The following CHCHD3 variants were observed in gnomAD, a reference collection of about 807,000 sequenced individuals.
CHCHD3 encodes coiled-coil-helix-coiled-coil-helix domain containing 3.
A neutral mutation model predicts 38.2 loss-of-function variants in CHCHD3; 20 were observed. That is an observed-to-expected ratio of 0.52 (90% CI 0.37 to 0.76). The LOEUF is 0.76. Among genes scored for constraint, CHCHD3 ranks in the 30% least tolerant of loss-of-function variants. CHCHD3 has a pLI of 0.00. For synonymous variants in CHCHD3, 82 were observed against 100.0 expected, an observed-to-expected ratio of 0.82 and a Z score of 1.07; for missense variants, 245 against 279.2, an observed-to-expected ratio of 0.88 and a Z score of 0.87.
chr7:132,859,792 T>TTTC (rs1808435665), intron 5 of CHCHD3, among the ~76,000 whole-genome samples: 1 of 151,774 alleles, frequency 6.6e-6, no homozygotes, highest in South Asian at 2.1e-4. Context: ...AAGGTCCACT[T>TTTC]TTCTCCTTGA....
chr7:132,971,766 C>T (rs1811618598), intron 4 of CHCHD3, among the ~76,000 whole-genome samples: 1 of 152,208 alleles, frequency 6.6e-6, no homozygotes, highest in Non-Finnish European at 1.5e-5. Context: ...TACTTTCCTG[C>T]AGACTGCAAC....
chr7:133,019,970 A>C (rs1238535115), intron 3 of CHCHD3, among the ~76,000 whole-genome samples: 1 of 151,922 alleles, frequency 6.6e-6, no homozygotes. Context: ...ATCCAAACAC[A>C]CCATTGAGTA....
At chr7:133,071,591 A>G (rs1814819911) in intron 1 of CHCHD3, among the ~76,000 whole-genome samples, 1 of 152,230 alleles carries the variant, frequency 6.6e-6, no homozygotes, top group Admixed American at 6.5e-5. Flanking sequence ...GGATCCCTGA[A>G]GGAGGCTAAA....
Position 133,035,944 on chromosome 7 carries a change from G to A in CHCHD3, c.170-11317C>T. 3 of 1,509,190 alleles carry A rather than the reference G, an allele frequency of 2.0e-6. No individual in the cohort carries two copies. Among genetic ancestry groups the A allele is most frequent in the Non-Finnish European group, 2.7e-6 (3 of 1,095,012 alleles). 93.5% of individuals were successfully genotyped at this position (1,509,190 alleles called of 1,614,324 possible). A position where few individuals can be genotyped will look rare whatever the true frequency, so the allele number is the denominator to read the frequency against. On this transcript the variant is annotated intron_variant, in intron 2 of 7. Coordinates refer to ENST00000262570, the MANE Select transcript of CHCHD3 (RefSeq NM_017812.4). This position sits in a 1 kb window ranked among gnomAD's most constrained non-coding sequence, Gnocchi z 4.7. ...ATGGTGATTCCGCAAAGAAAGGCTGGATCCAGTCTTAAAAGTGTTATCAGG... is the reference window on the plus strand; with the variant it reads ...ATGGTGATTCCGCAAAGAAAGGCTGAATCCAGTCTTAAAAGTGTTATCAGG...
At chr7:132,878,292 A>G (rs1413163885) in intron 5 of CHCHD3, among the ~76,000 whole-genome samples, 2 of 152,164 alleles carry the variant, frequency 1.3e-5, no homozygotes, top group Non-Finnish European at 2.9e-5. Context: ...CATTGTTGGC[A>G]TTATTTTTTC....
intron 3 of CHCHD3, among the ~76,000 whole-genome samples, chr7:132,999,440 C>G (rs986217374): frequency 6.6e-6 from 1 of 152,134 alleles, no homozygotes; most frequent in African/African-American, 2.4e-5. Flanking sequence ...TACAATGTTT[C>G]AGGAAGGTAC....
At chr7:132,844,636 T>G (rs142023951) in intron 5 of CHCHD3, among the ~76,000 whole-genome samples, 71 of 152,320 alleles carry the variant, frequency 4.7e-4, no homozygotes, top group African/African-American at 1.6e-3. Flanking sequence ...GATATAAGCA[T>G]AAAACATGTT....
At chr7:132,957,255 G>A (rs994979231) in intron 4 of CHCHD3, among the ~76,000 whole-genome samples, 1 of 152,156 alleles carries the variant, frequency 6.6e-6, no homozygotes, top group African/African-American at 2.4e-5. Context: ...ATTTCTTCAA[G>A]GTCTAAAAAG....
At chr7:133,020,138 G>A (rs927125507) in intron 3 of CHCHD3, among the ~76,000 whole-genome samples, 3 of 152,104 alleles carry the variant, frequency 2.0e-5, no homozygotes, top group Middle Eastern at 3.4e-3. Flanking sequence ...CGATTTGTGC[G>A]GGACATGATT....
intron 4 of CHCHD3, among the ~76,000 whole-genome samples, chr7:132,974,414 C>A (rs943921176): frequency 1.9e-4 from 29 of 152,172 alleles, no homozygotes; most frequent in African/African-American, 6.5e-4. Flanking sequence ...AAGGCCCTGG[C>A]TCTACATTTT....
chr7:132,936,550 T>G (rs1445842863), intron 4 of CHCHD3, among the ~76,000 whole-genome samples: 1 of 152,186 alleles, frequency 6.6e-6, no homozygotes, highest in East Asian at 1.9e-4. Context: ...TTAAACTGCC[T>G]TTTCTATCAG....
intron 5 of CHCHD3, among the ~76,000 whole-genome samples, chr7:132,882,323 G>C (rs1394257932): frequency 6.6e-6 from 1 of 152,066 alleles, no homozygotes; most frequent in Non-Finnish European, 1.5e-5. Context: ...ACTTAATGTG[G>C]AGTTATCGAG....
chr7:133,079,662 ATAAC>A (rs1251842853), intron 1 of CHCHD3, among the ~76,000 whole-genome samples: 2 of 152,236 alleles, frequency 1.3e-5, no homozygotes, highest in Non-Finnish European at 2.9e-5. Context: ...AGGCTAATAA[ATAAC>A]TAACCTGCGA....
At chr7:133,006,678 A>G (rs1812708990) in intron 3 of CHCHD3, among the ~76,000 whole-genome samples, 1 of 152,060 alleles carries the variant, frequency 6.6e-6, no homozygotes, top group Admixed American at 6.6e-5. Context: ...CAATTTGACA[A>G]TAATAATATT....
At chr7:133,012,842 GA>G (rs1812917716) in intron 3 of CHCHD3, among the ~76,000 whole-genome samples, 1 of 121,226 alleles carries the variant, frequency 8.2e-6, no homozygotes, top group South Asian at 3.7e-4. Context: ...GAGGAGAAGA[GA>G]GGGGAGGGGA....
At chr7:132,834,539 C>A (rs535175192) in intron 6 of CHCHD3, among the ~76,000 whole-genome samples, 2 of 152,212 alleles carry the variant, frequency 1.3e-5, no homozygotes, top group African/African-American at 4.8e-5. Flanking sequence ...GTTTGCAGAG[C>A]GGGGGAGGGA....
chr7:132,900,833 A>C (rs1809647995), intron 4 of CHCHD3, among the ~76,000 whole-genome samples: 1 of 152,120 alleles, frequency 6.6e-6, no homozygotes, highest in Non-Finnish European at 1.5e-5. Context: ...TCTACTAAAA[A>C]AACAAAAATT....
chr7:132,864,672 ACC>A (rs1808574216), intron 5 of CHCHD3, among the ~76,000 whole-genome samples: 1 of 152,150 alleles, frequency 6.6e-6, no homozygotes, highest in Non-Finnish European at 1.5e-5. Context: ...AGAGAAATGT[ACC>A]CCAAGTCTAA....
chr7:133,079,730 A>G (rs551910085), intron 1 of CHCHD3, among the ~76,000 whole-genome samples: 2 of 152,364 alleles, frequency 1.3e-5, no homozygotes, highest in East Asian at 1.9e-4. Context: ...GATCAACTGA[A>G]AAACATCTAC....
Sources: gnomAD v4.1 joint callset for allele counts (sites outside exome capture counted in the v4.1 genomes callset) on GRCh38, gnomAD v4.1.1 for gene constraint, Gnocchi (gnomAD v3.1) non-coding constraint, MANE v1.5 for transcripts, NCBI Gene and HGNC (gene_info 2026-07-23, HGNC 2026-07-21) for gene names.